The following DOCK9 variants were observed in gnomAD, a reference collection of about 807,000 sequenced individuals.
DOCK9 encodes the protein dedicator of cytokinesis protein 9.
DOCK9 carries 89 observed loss-of-function variants against 263.3 expected under a neutral mutation model. The ratio of observed to expected loss-of-function variants is 0.34; its 90% CI spans 0.28 to 0.40. DOCK9 has a LOEUF of 0.40. Among genes scored for constraint, DOCK9 ranks in the 10% least tolerant of loss-of-function variants. The pLI is 1.00. For synonymous variants in DOCK9, 976 were observed against 973.1 expected (o/e 1.00, Z -0.06); for missense variants, 2,140 against 2,603.4 (o/e 0.82, Z 3.87).
intron 1 of DOCK9, among the ~76,000 whole-genome samples, chr13:98,959,977 A>G (rs1173558977): frequency 6.6e-6 from 1 of 152,168 alleles, no homozygotes; most frequent in African/African-American, 2.4e-5. Flanking sequence ...ACAGCCCACT[A>G]GGGTAGGGAA....
At chr13:98,905,339 G>T (rs140777779) in intron 9 of DOCK9, among the ~76,000 whole-genome samples, 2,210 of 152,294 alleles carry the variant, frequency 0.015, 42 homozygotes, top group Non-Finnish European at 0.018. Flanking sequence ...GGAACACCAG[G>T]TGGGGAGAGA....
At chr13:98,961,844 C>T (rs562234949) in intron 1 of DOCK9, among the ~76,000 whole-genome samples, 1 of 152,316 alleles carries the variant, frequency 6.6e-6, no homozygotes, top group South Asian at 2.1e-4. Context: ...ACTGTGTCCA[C>T]CCAATGTCAT....
At chr13:99,054,999 T>C (rs899558406) in intron 1 of DOCK9, among the ~76,000 whole-genome samples, 1 of 152,236 alleles carries the variant, frequency 6.6e-6, no homozygotes, top group Non-Finnish European at 1.5e-5. Flanking sequence ...GAATTGCTAA[T>C]AGTAGAAATG....
At chr13:98,932,329 A>C (rs2054084964) in intron 2 of DOCK9, among the ~76,000 whole-genome samples, 1 of 152,204 alleles carries the variant, frequency 6.6e-6, no homozygotes, top group African/African-American at 2.4e-5. Context: ...CGGGAGGCGG[A>C]GGTTGCAGTA....
chr13:98,975,278 C>G (rs369277403), intron 1 of DOCK9, among the ~76,000 whole-genome samples: 1 of 151,732 alleles, frequency 6.6e-6, no homozygotes, highest in Non-Finnish European at 1.5e-5. Context: ...ACTCGGGAGG[C>G]TTGAACCCAG....
intron 50 of DOCK9, among the ~76,000 whole-genome samples, chr13:98,797,719 G>T (rs796600670): frequency 7.5e-4 from 114 of 152,316 alleles, no homozygotes; most frequent in African/African-American, 2.7e-3. Context: ...TTTACTTTAT[G>T]TAAGAAGAAA....
intron 36 of DOCK9, among the ~76,000 whole-genome samples, chr13:98,849,121 T>TA (rs397803996): frequency 1.3e-5 from 2 of 152,292 alleles, no homozygotes; most frequent in South Asian, 4.2e-4. Context: ...CATTTTTTTT[T>TA]AATCATGTAT....
chr13:99,021,286 A>T (rs1361060945), intron 1 of DOCK9, among the ~76,000 whole-genome samples: 1 of 152,224 alleles, frequency 6.6e-6, no homozygotes, highest in Non-Finnish European at 1.5e-5. Context: ...ATTCAAATAC[A>T]TGAGAATTTC....
chr13:98,981,938 C>T (rs143640171), upstream of DOCK9, among the ~76,000 whole-genome samples: 491 of 152,330 alleles, frequency 3.2e-3, 3 homozygotes, highest in African/African-American at 0.011. Flanking sequence ...GTATGTCCGA[C>T]CCCCGATTCA....
intron 1 of DOCK9, among the ~76,000 whole-genome samples, chr13:99,055,819 C>T (rs114421172): frequency 2.4e-3 from 366 of 151,832 alleles, no homozygotes; most frequent in African/African-American, 8.6e-3. Context: ...TAGATACAGG[C>T]TAAGACAGCT....
chr13:98,933,897 G>A (rs1400404984), intron 2 of DOCK9, among the ~76,000 whole-genome samples: 1 of 144,872 alleles, frequency 6.9e-6, no homozygotes, highest in Admixed American at 6.9e-5. Context: ...TGTTGTTGTT[G>A]TTGTTGTTGT....
intron 44 of DOCK9, among the ~76,000 whole-genome samples, chr13:98,826,202 T>C (rs532846017): frequency 1.3e-5 from 2 of 152,302 alleles, no homozygotes; most frequent in South Asian, 2.1e-4. Flanking sequence ...GACTACCAGC[T>C]TTTCTAAGAA....
At chr13:98,806,146 G>C (rs1566537960) in intron 48 of DOCK9, among the ~76,000 whole-genome samples, 2 of 152,198 alleles carry the variant, frequency 1.3e-5, no homozygotes, top group African/African-American at 4.8e-5. Context: ...TTGGAAGCTA[G>C]GCCTCCAAAT....
At chr13:99,040,832 A>C (rs1411151982) in intron 1 of DOCK9, among the ~76,000 whole-genome samples, 1 of 152,228 alleles carries the variant, frequency 6.6e-6, no homozygotes, top group African/African-American at 2.4e-5. Context: ...AGCATGGTTA[A>C]TGAGACTATT....
exon 1 of DOCK9, chr13:99,086,225 G>A: frequency 2.0e-6 from 3 of 1,502,482 alleles, no homozygotes; most frequent in Non-Finnish European, 2.6e-6. Context: ...GCACTCACCA[G>A]GAGCACGGAG....
chr13:98,957,186 G>T (rs1301949655), intron 1 of DOCK9, among the ~76,000 whole-genome samples: 1 of 152,210 alleles, frequency 6.6e-6, no homozygotes, highest in African/African-American at 2.4e-5. Flanking sequence ...GCCTAAGATG[G>T]AAAGAGTCTG....
chr13:98,994,948 C>T (rs1032062297), intron 1 of DOCK9, among the ~76,000 whole-genome samples: 6 of 152,004 alleles, frequency 3.9e-5, no homozygotes, highest in African/African-American at 7.3e-5. Context: ...AAATTGTAAA[C>T]GAGTGAAAAA....
intron 24 of DOCK9, 119 bp downstream of exon 24, chr13:98,881,773 G>A: frequency 2.4e-6 from 3 of 1,248,008 alleles, no homozygotes; most frequent in East Asian, 2.5e-5. Flanking sequence ...TTACACATGG[G>A]ATCAAAGACA....
chr13:98,915,675 C>T (rs1422653077), intron 7 of DOCK9, among the ~76,000 whole-genome samples, 172 bp from the exon 8 acceptor site: 2 of 149,920 alleles, frequency 1.3e-5, no homozygotes, highest in South Asian at 2.2e-4. Flanking sequence ...CATTACCGTC[C>T]ACCTTCCCTG....
Sources: gnomAD v4.1 joint callset for allele counts (sites outside exome capture counted in the v4.1 genomes callset) on GRCh38, gnomAD v4.1.1 for gene constraint, MANE v1.5 for transcripts, NCBI Gene and HGNC (gene_info 2026-07-23, HGNC 2026-07-21) for gene names.